Variants in TADA2A observed in about 807,000 individuals in gnomAD.
The protein encoded by TADA2A is transcriptional adapter 2-alpha.
In TADA2A, 38 loss-of-function variants were observed where a neutral mutation model predicts 67.4. The ratio of observed to expected loss-of-function variants is 0.56; its 90% confidence interval spans 0.44 to 0.74. The LOEUF is 0.74. TADA2A is among the 30% of genes least tolerant of loss of function. TADA2A has a pLI of 0.00. For synonymous variants in TADA2A, 192 were observed against 181.6 expected (o/e 1.06, Z -0.46); for missense variants, 454 against 547.0 (o/e 0.83, Z 1.70).
chr17:37,442,590 T>G lies in TADA2A; in HGVS notation c.469T>G (p.Phe157Val). Residue 157 changes from phenylalanine (F) to valine (V), a missense_variant, in exon 7 of 16, where the codon TTT becomes GTT. Physicochemically the swap from Phe to Val is conservative, Grantham distance 50. Around this residue, in one of 2 missense-constraint regions of TADA2A, gnomAD observed 403 missense variants for 455.5 expected, o/e 0.88. Transcript: ENST00000615182. Reference protein sequence around the residue: ...HSTDDPPRPTFDSLLSRDMAG... With the variant: ...HSTDDPPRPTVDSLLSRDMAG... ...TACAGATGACCCTCCCCGACCTACC[T>G]TTGACTCCTTGCTTTCTCGGGACAT... 1 of 1,614,100 alleles carries G rather than the reference T, an allele frequency of 6.2e-7. No individual in the cohort carries two copies. Among genetic ancestry groups the G allele is most frequent in the Non-Finnish European group, 8.5e-7 (1 of 1,180,018 alleles).
chr17:37,456,361 T>G (rs990581729), intron 8 of TADA2A, among the ~76,000 whole-genome samples: 2 of 152,190 alleles, frequency 1.3e-5, no homozygotes, highest in Admixed American at 1.3e-4. Context: ...CAAGTACCAT[T>G]TGGAAGAGGT....
chr17:37,442,061 G>A (rs952198191), intron 6 of TADA2A, among the ~76,000 whole-genome samples: 5 of 152,188 alleles, frequency 3.3e-5, no homozygotes, highest in Non-Finnish European at 7.3e-5. Flanking sequence ...GAGATAGGCA[G>A]AGCAAGTGCT....
intron 1 of TADA2A, among the ~76,000 whole-genome samples, chr17:37,409,655 T>G (rs2051797023): frequency 6.6e-6 from 1 of 150,390 alleles, no homozygotes; most frequent in Admixed American, 6.6e-5. Context: ...TAATCCCAGC[T>G]AATTGGGAGG....
intron 8 of TADA2A, among the ~76,000 whole-genome samples, chr17:37,448,080 A>G (rs1014202222): frequency 2.0e-5 from 3 of 152,182 alleles, no homozygotes; most frequent in African/African-American, 7.2e-5. Flanking sequence ...TTACCATTCC[A>G]TTATACCATT....
chr17:37,409,098 A>G (rs1335068937), intron 1 of TADA2A, among the ~76,000 whole-genome samples: 1 of 152,000 alleles, frequency 6.6e-6, no homozygotes, highest in African/African-American at 2.4e-5. Flanking sequence ...TTTATTATTT[A>G]TTTTTGAGAC....
rs2053558472 is a variant in TADA2A at position 37,462,084 on chromosome 17, A to T, written c.675A>T (p.Ile225=). 1 of 1,572,342 alleles carries T rather than the reference A, an allele frequency of 6.4e-7. No homozygotes were observed. Among genetic ancestry groups the T allele is most frequent in the South Asian group, 1.2e-5 (1 of 86,528 alleles). Residue 225 remains isoleucine, a synonymous_variant, in exon 10 of 16, where the codon ATA becomes ATT. Transcript: ENST00000615182. ...LKERQRRKKI[I]RDHGLINLRK... ...TTGTGGCTTTTCATTCTAGAATTAT[A>T]AGAGACCATGGATTAATCAACCTTA...
chr17:37,427,728 C>G (rs923646561), intron 4 of TADA2A, among the ~76,000 whole-genome samples: 9 of 152,088 alleles, frequency 5.9e-5, no homozygotes, highest in African/African-American at 1.9e-4. Context: ...GCCTGTAATC[C>G]TAGCACTTCC....
chr17:37,434,501 T>C (rs989176240), intron 4 of TADA2A, among the ~76,000 whole-genome samples: 1 of 152,240 alleles, frequency 6.6e-6, no homozygotes, highest in African/African-American at 2.4e-5. Flanking sequence ...ATTGTTTGTC[T>C]TACAGATGTT....
intron 4 of TADA2A, among the ~76,000 whole-genome samples, chr17:37,433,140 A>G (rs192384724): frequency 9.9e-5 from 15 of 151,838 alleles, no homozygotes; most frequent in African/African-American, 3.6e-4. Context: ...GGAAATAGAA[A>G]TAGAGTTTTG....
chr17:37,409,049 A>G (rs949133171), intron 1 of TADA2A, among the ~76,000 whole-genome samples: 2 of 152,198 alleles, frequency 1.3e-5, no homozygotes, highest in African/African-American at 4.8e-5. Flanking sequence ...TTTTAAAAGC[A>G]TACAGATAGG....
At chr17:37,432,270 T>A (rs1280105462) in intron 4 of TADA2A, among the ~76,000 whole-genome samples, 1 of 152,118 alleles carries the variant, frequency 6.6e-6, no homozygotes, top group Non-Finnish European at 1.5e-5. Flanking sequence ...GTTCAAGCAG[T>A]TCTCCTGCCT....
chr17:37,471,717 G>T (rs1339717005), intron 14 of TADA2A, among the ~76,000 whole-genome samples: 1 of 152,086 alleles, frequency 6.6e-6, no homozygotes, highest in Admixed American at 6.6e-5. Flanking sequence ...TGTTGGCCAG[G>T]CTGGTCTCGA....
intron 2 of TADA2A, among the ~76,000 whole-genome samples, chr17:37,411,598 A>T (rs1328667042): frequency 1.3e-5 from 2 of 151,432 alleles, no homozygotes; most frequent in Non-Finnish European, 2.9e-5. Context: ...AATTTTTTTT[A>T]TTTTTATTTT....
At chr17:37,468,467 T>A (rs981532717) in intron 12 of TADA2A, among the ~76,000 whole-genome samples, 1 of 152,196 alleles carries the variant, frequency 6.6e-6, no homozygotes, top group Non-Finnish European at 1.5e-5. Flanking sequence ...AAAGCTTGAG[T>A]ATAAATTTTG....
chr17:37,477,171 T>C lies in TADA2A; in HGVS notation c.*189T>C. 1.7e-6 allele frequency: 1 copy of C among 579,744 alleles called. No individual in the cohort carries two copies. Among genetic ancestry groups the C allele is most frequent in the Non-Finnish European group, 2.9e-6 (1 of 340,258 alleles). 35.9% of individuals were successfully genotyped at this position (579,744 alleles called of 1,614,324 possible). ...ATCCTGCTTTAAAACACTCCTGTTG[T>C]TGGTATTATGCTGCAGAGTTGTGTG... On this transcript the variant is annotated 3_prime_UTR_variant, in exon 16 of 16. Coordinates refer to ENST00000615182, the MANE Select transcript of TADA2A (RefSeq NM_001166105.3).
At position 37,476,907 on chromosome 17, in the gene TADA2A, C is replaced by T. The variant is rs1305080701; in HGVS notation, c.1257C>T (p.Leu419=). The stretch of plus-strand genomic sequence containing the variant: ...TAAGACTGGCGCAGGCAAGAGCACT[C>T]ATCAAGATAGATGTGAACAAAACCC... The part of the protein sequence containing the change: ...GGLRLAQARA[L]IKIDVNKTRK... Residue 419 remains leucine, a synonymous_variant, in exon 16 of 16, where the codon CTC becomes CTT. Coordinates refer to ENST00000615182, the MANE Select transcript of TADA2A (RefSeq NM_001166105.3). 4 of 1,614,042 alleles carry T rather than the reference C, an allele frequency of 2.5e-6. No individual in the cohort carries two copies. Among genetic ancestry groups the T allele is most frequent in the Admixed American group, 1.7e-5 (1 of 59,988 alleles).
At chr17:37,415,346 A>G (rs1003297846) in intron 2 of TADA2A, among the ~76,000 whole-genome samples, 1 of 152,148 alleles carries the variant, frequency 6.6e-6, no homozygotes, top group Non-Finnish European at 1.5e-5. Flanking sequence ...TCTGTTTTTT[A>G]TAGTTGCATA....
At position 37,423,509 on chromosome 17, in the gene TADA2A, A is replaced by G. The variant is rs1268855242; in HGVS notation, c.26A>G (p.Asn9Ser). 3.1e-6 allele frequency: 5 copies of G among 1,607,924 alleles called. No homozygotes were observed. The highest frequency in any genetic ancestry group is 1.3e-5 in the African/African-American group (1 of 74,530). MDRLGSFSNDPSDKPPCRG... is the reference protein window; with the variant it reads MDRLGSFSSDPSDKPPCRG... ...TGCATTTGTTTTCTGTTTGTTCTAG[A>G]TGATCCCTCTGATAAGCCACCTTGC... Residue 9 changes from asparagine (N) to serine (S), a missense_variant and splice_region_variant, in exon 3 of 16, where the codon AAT becomes AGT. Asn to Ser is a conservative substitution (Grantham distance 46, BLOSUM62 1). This residue lies in a region of TADA2A where 403 missense variants were observed against 455.5 expected (regional missense o/e 0.88). Transcript: ENST00000615182.
intron 8 of TADA2A, chr17:37,454,774 A>T: frequency 3.5e-6 from 1 of 289,792 alleles, no homozygotes; most frequent in South Asian, 4.3e-5. Context: ...AGAAACATGA[A>T]GTTAAAAAGG....
Sources: gnomAD v4.1 joint callset for allele counts (sites outside exome capture counted in the v4.1 genomes callset) on GRCh38, gnomAD v4.1.1 for gene constraint, gnomAD v4.1.1 regional missense constraint, MANE v1.5 for transcripts, NCBI Gene and HGNC (gene_info 2026-07-23, HGNC 2026-07-21) for gene names.